Variants in FCRL4 observed in about 807,000 individuals in gnomAD.
FCRL4 encodes the protein Fc receptor like 4.
A neutral mutation model predicts 64.1 loss-of-function variants in FCRL4; 43 were observed. The ratio of observed to expected loss-of-function variants is 0.67; its 90% CI spans 0.53 to 0.87. FCRL4 has a LOEUF of 0.87. Among genes scored for constraint, FCRL4 ranks in the 40% least tolerant of loss-of-function variants. The pLI, the probability that FCRL4 is intolerant of heterozygous loss-of-function variation, is 0.00. For missense variants in FCRL4, 656 were observed against 613.5 expected (o/e 1.07, Z -0.73); for synonymous variants, 253 against 239.8 (o/e 1.05, Z -0.51).
At chr1:157,595,240 G>A (rs12065322) in intron 2 of FCRL4, among the ~76,000 whole-genome samples, 4,219 of 152,292 alleles carry the variant, frequency 0.028, 185 homozygotes, top group African/African-American at 0.096. Flanking sequence ...GTCTTTAAAG[G>A]TTTGGACAGA....
intron 1 of FCRL4, among the ~76,000 whole-genome samples, chr1:157,597,137 C>T (rs190959966): frequency 2.8e-4 from 43 of 152,230 alleles, no homozygotes; most frequent in African/African-American, 9.9e-4. Flanking sequence ...CTCTTGAGGG[C>T]AGAATCTGTG....
intron 10 of FCRL4, among the ~76,000 whole-genome samples, chr1:157,578,123 A>G (rs1017486768): frequency 1.4e-4 from 22 of 152,190 alleles, no homozygotes; most frequent in African/African-American, 4.6e-4. Context: ...ATACATATAT[A>G]TATGTATATA....
At position 157,575,295 on chromosome 1, in the gene FCRL4, C is replaced by T. The variant is rs1043723918; in HGVS notation, c.*229G>A. ...CCCACAGCAAATACTACAGGGTCTT[C>T]TCTTAACTGTGGATCCTGGTCATTT... On this transcript the variant is annotated 3_prime_UTR_variant, in exon 12 of 12. Coordinates refer to ENST00000271532, the MANE Select transcript of FCRL4 (RefSeq NM_031282.3). 8 of 559,110 alleles carry T rather than the reference C, an allele frequency of 1.4e-5. No homozygotes were observed. Among genetic ancestry groups the T allele is most frequent in the South Asian group, 1.2e-4 (6 of 49,054 alleles). The allele number at this position is 559,110 out of a possible 1,614,324, so 34.6% of individuals were successfully genotyped here. A position where few individuals can be genotyped will look rare whatever the true frequency, so the allele number is the denominator to read the frequency against.
intron 3 of FCRL4, 104 bp from the exon 4 acceptor site, chr1:157,588,223 A>T: frequency 2.2e-6 from 3 of 1,384,724 alleles, no homozygotes; most frequent in Admixed American, 2.6e-5. Flanking sequence ...CTTCCACAGG[A>T]TGTAGTTTCC....
In FCRL4 at chr1:157,578,867, AAC is replaced by A; in HGVS notation, c.1278-17_1278-16del. ...CGGGAGGGAGCCTGTGAGACACAGAAACACATAATAATCCCTGGAACACTGTA... is the reference window on the plus strand; with the variant it reads ...CGGGAGGGAGCCTGTGAGACACAGAAACATAATAATCCCTGGAACACTGTA... On this transcript the variant is annotated splice_polypyrimidine_tract_variant and intron_variant, in intron 8 of 11. Transcript: ENST00000271532. 2 of 1,599,502 alleles carry A rather than the reference AAC, an allele frequency of 1.3e-6. No individual in the cohort carries two copies. Among genetic ancestry groups the A allele is most frequent in the Non-Finnish European group, 8.5e-7 (1 of 1,169,810 alleles).
rs75108086 is a variant in FCRL4 at position 157,596,346 on chromosome 1, G to A, written c.34C>T (p.Pro12Ser). 0.013 allele frequency: 21,502 copies of A among 1,613,808 alleles called. 178 individuals are homozygous for A. Among genetic ancestry groups the A allele is most frequent in the Middle Eastern group, 0.019 (117 of 6,058 alleles). ...GACTTACCAGATTGTCCACAGACTG[G>A]AGCTGAAAGAGAGTAAAGAGCCAGC... ...LLWASLLAFA[P>S]VCGQSAAAHK... Residue 12 changes from proline to serine, a missense_variant and splice_region_variant, in exon 2 of 12, where the codon CCA becomes TCA. By Grantham distance (74) the Pro-to-Ser change is moderately conservative (BLOSUM62 -1). Transcript: ENST00000271532.
At chr1:157,591,690 G>C (rs1221912860) in intron 2 of FCRL4, among the ~76,000 whole-genome samples, 2 of 152,108 alleles carry the variant, frequency 1.3e-5, no homozygotes, top group Admixed American at 6.6e-5. Context: ...ATGAAAGTAG[G>C]CCCTAAAATC....
At chr1:157,580,668 G>A (rs1397472865) in intron 7 of FCRL4, 1 of 325,536 alleles carries the variant, frequency 3.1e-6, no homozygotes, top group East Asian at 7.4e-5. Context: ...GGTGAACTTC[G>A]AGGAACATCT....
Position 157,592,531 on chromosome 1 carries a change from A to G in FCRL4, c.53-3073T>C, listed in dbSNP as rs551538046. On this transcript the variant is annotated intron_variant, in intron 2 of 11. Coordinates refer to ENST00000271532, the MANE Select transcript of FCRL4 (RefSeq NM_031282.3). ...CAGAGAAATGCAAATCAAAACCACA[A>G]TGAGATACCATCTCATGCCAGTTAG... Among the ~76,000 whole-genome samples, 7 of 152,338 alleles carry G rather than the reference A, an allele frequency of 4.6e-5. No homozygotes were observed. The South Asian group carries it at 1.2e-3, about 27-fold the overall frequency.
chr1:157,575,786 A>C (rs1353660340), intron 10 of FCRL4, 56 bp from the exon 11 acceptor site: 3 of 1,566,534 alleles, frequency 1.9e-6, no homozygotes, highest in South Asian at 2.2e-5. Context: ...CTTAGAACTC[A>C]GTCTGTTAGC....
chr1:157,586,207 C>CGTAGCTG lies in FCRL4; in HGVS notation c.1089_1095dup (p.Gly366GlnfsTer90). On this transcript the variant is annotated frameshift_variant, in exon 6 of 12. Coordinates refer to ENST00000271532, the MANE Select transcript of FCRL4 (RefSeq NM_031282.3). LOFTEE classifies it high-confidence loss of function. ...TTCAGCACCATGCTCTGGACAGGGCCGTAGCTGTTGTCTGCTGTACAGTAG... is the reference window on the plus strand; with the variant it reads ...TTCAGCACCATGCTCTGGACAGGGCCGTAGCTGGTAGCTGTTGTCTGCTGTACAGTAG... 6.2e-7 allele frequency: 1 copy of CGTAGCTG among 1,613,872 alleles called. No homozygotes were observed. The highest frequency in any genetic ancestry group is 2.2e-5 in the East Asian group (1 of 44,858).
intron 10 of FCRL4, among the ~76,000 whole-genome samples, chr1:157,576,617 T>C (rs888799594): frequency 5.3e-5 from 8 of 152,204 alleles, no homozygotes; most frequent in African/African-American, 7.2e-5. Context: ...TTGATAAATA[T>C]GTCAAGGAAA....
At chr1:157,589,501 A>G in intron 2 of FCRL4, 43 bp from the exon 3 acceptor site, 1 of 1,601,598 alleles carries the variant, frequency 6.2e-7, no homozygotes. Context: ...AGGTGCCTGC[A>G]GTCCCAGCTG....
intron 6 of FCRL4, 45 bp from the exon 7 acceptor site, chr1:157,581,689 G>A (rs371734607): frequency 6.8e-5 from 100 of 1,479,472 alleles, no homozygotes; most frequent in Non-Finnish European, 8.9e-5. Flanking sequence ...GAGGTTCAGG[G>A]TTTGGGATTG....
At chr1:157,593,909 C>G (rs577518674) in intron 2 of FCRL4, among the ~76,000 whole-genome samples, 14 of 152,284 alleles carry the variant, frequency 9.2e-5, no homozygotes, top group Admixed American at 5.2e-4. Flanking sequence ...CAATATAATA[C>G]TACTATCTAG....
chr1:157,574,818 A>G lies in FCRL4; in HGVS notation c.*706T>C, dbSNP rs1420698614. 1 of 208,670 alleles carries G rather than the reference A, an allele frequency of 4.8e-6. No homozygotes were observed. The highest frequency in any genetic ancestry group is 9.7e-6 in the Non-Finnish European group (1 of 102,738). The allele number at this position is 208,670 out of a possible 1,614,324, so 12.9% of individuals were successfully genotyped here. A position where few individuals can be genotyped will look rare whatever the true frequency, so the allele number is the denominator to read the frequency against. The stretch of plus-strand genomic sequence containing the variant: ...AGTTGGTACTTAAGTTTTTAATTTT[A>G]TATTTGTGTCTCTTTTCTCTAATGT... On this transcript the variant is annotated 3_prime_UTR_variant, in exon 12 of 12. Coordinates refer to ENST00000271532, the MANE Select transcript of FCRL4 (RefSeq NM_031282.3).
intron 5 of FCRL4, among the ~76,000 whole-genome samples, 186 bp from the exon 6 acceptor site, chr1:157,586,641 T>A (rs1217488209): frequency 3.3e-5 from 5 of 152,074 alleles, no homozygotes; most frequent in Non-Finnish European, 7.4e-5. Flanking sequence ...AAGCTTTCCA[T>A]CCTGATATAC....
chr1:157,578,613 A>G, intron 9 of FCRL4, 71 bp from the exon 10 acceptor site: 3 of 1,420,530 alleles, frequency 2.1e-6, no homozygotes, highest in Non-Finnish European at 3.0e-6. Flanking sequence ...CTTCCTAAGC[A>G]TCATCTCCAC....
intron 6 of FCRL4, among the ~76,000 whole-genome samples, chr1:157,584,404 C>A (rs1391137765): frequency 6.6e-6 from 1 of 151,896 alleles, no homozygotes; most frequent in Admixed American, 6.6e-5. Context: ...GCCATGGTGG[C>A]ACATGCCTGT....
Sources: gnomAD v4.1 joint callset for allele counts (sites outside exome capture counted in the v4.1 genomes callset) on GRCh38, gnomAD v4.1.1 for gene constraint, MANE v1.5 for transcripts, NCBI Gene and HGNC (gene_info 2026-07-23, HGNC 2026-07-21) for gene names.